The following WIPF1 variants were observed in gnomAD, a reference collection of about 807,000 sequenced individuals.
WIPF1 encodes WAS/WASL-interacting protein family member 1.
Under a neutral mutation model 35.4 loss-of-function variants are expected in WIPF1, and 13 were observed. The ratio of observed to expected loss-of-function variants is 0.37; its 90% CI spans 0.24 to 0.58. The LOEUF is 0.58. Ranked by LOEUF, WIPF1 falls within the 20% of genes least tolerant of loss-of-function variation. WIPF1 has a pLI of 0.74. For synonymous variants in WIPF1, 267 were observed against 266.3 expected, an observed-to-expected ratio of 1.00 and a Z score of -0.02; for missense variants, 591 against 667.0, an observed-to-expected ratio of 0.89 and a Z score of 1.25.
intron 1 of WIPF1, among the ~76,000 whole-genome samples, chr2:174,610,266 C>CAGTT (rs1273764585): frequency 1.3e-5 from 2 of 152,134 alleles, no homozygotes; most frequent in Admixed American, 1.3e-4. Flanking sequence ...AGAAAGTGAC[C>CAGTT]AGTTCCCCAC....
rs1220467051 is a variant in WIPF1 at position 174,571,640 on chromosome 2, G to A, written c.1129+36C>T. ...ATTATTGGTACATTTGGGCAGGCTG[G>A]GTTTTGGAAGCAACTCACTCCACGT... On this transcript the variant is annotated intron_variant, in intron 5 of 7. Coordinates refer to ENST00000679041, the MANE Select transcript of WIPF1 (RefSeq NM_001375834.1). This position sits in a 1 kb window ranked among gnomAD's most constrained non-coding sequence, Gnocchi z 4.6. The A allele has an allele frequency of 1.9e-6, 3 of 1,613,856 alleles. No homozygotes were observed. In the African/African-American group the frequency reaches 4.0e-5, roughly 22 times the overall value.
In WIPF1 at chr2:174,561,709, G is replaced by T; in HGVS notation, c.*838C>A. 1 of 178,234 alleles carries T rather than the reference G, an allele frequency of 5.6e-6. No homozygotes were observed. Among genetic ancestry groups the T allele is most frequent in the Non-Finnish European group, 1.2e-5 (1 of 83,032 alleles). 11.0% of individuals were successfully genotyped at this position (178,234 alleles called of 1,614,324 possible). On this transcript the variant is annotated 3_prime_UTR_variant, in exon 8 of 8. Transcript: ENST00000679041. ...CTCTTGAATCGCTCAAGCCCATCTTGCCTTTTTTGTTTTTTAAACAAGAGG... is the reference window on the plus strand; with the variant it reads ...CTCTTGAATCGCTCAAGCCCATCTTTCCTTTTTTGTTTTTTAAACAAGAGG...
chr2:174,681,935 A>G (rs1688255627), intron 1 of WIPF1, among the ~76,000 whole-genome samples: 1 of 152,228 alleles, frequency 6.6e-6, no homozygotes, highest in Non-Finnish European at 1.5e-5. Flanking sequence ...AAGTCTAACC[A>G]ACCACCAGTG....
At chr2:174,641,994 A>G (rs1171747747) in intron 1 of WIPF1, among the ~76,000 whole-genome samples, 1 of 152,218 alleles carries the variant, frequency 6.6e-6, no homozygotes, top group Non-Finnish European at 1.5e-5. Context: ...AGAGACTCAG[A>G]GCCTAACTGC....
At chr2:174,595,589 T>C (rs1347501242) in intron 1 of WIPF1, among the ~76,000 whole-genome samples, 2 of 152,102 alleles carry the variant, frequency 1.3e-5, no homozygotes, top group Non-Finnish European at 2.9e-5. Flanking sequence ...AAATAAGTGG[T>C]CAGTAAATAT....
At chr2:174,599,178 T>C (rs549894329), upstream of WIPF1, among the ~76,000 whole-genome samples, 22 of 152,146 alleles carry the variant, frequency 1.4e-4, no homozygotes, top group Admixed American at 1.3e-3. Context: ...CAGGTAGCTG[T>C]TGGGGGTGGT....
intron 1 of WIPF1, among the ~76,000 whole-genome samples, chr2:174,646,783 T>C (rs1390205274): frequency 6.6e-6 from 1 of 151,960 alleles, no homozygotes; most frequent in Non-Finnish European, 1.5e-5. Context: ...CCAGCTAATT[T>C]TTTGTATTTT....
chr2:174,653,741 CAAAA>C (rs1175251483), intron 1 of WIPF1, among the ~76,000 whole-genome samples: 1 of 57,838 alleles, frequency 1.7e-5, no homozygotes, highest in Admixed American at 2.0e-4. Flanking sequence ...GCCTCTGTCT[CAAAA>C]AAAAAAAAAA....
At chr2:174,647,212 A>AT (rs778959094) in intron 1 of WIPF1, among the ~76,000 whole-genome samples, 92 of 143,094 alleles carry the variant, frequency 6.4e-4, no homozygotes, top group African/African-American at 1.1e-3. Flanking sequence ...TCTCCAAAAC[A>AT]TTTTTTTTTT....
chr2:174,657,927 A>G (rs1476765113), intron 1 of WIPF1, among the ~76,000 whole-genome samples: 4 of 151,448 alleles, frequency 2.6e-5, no homozygotes, highest in Non-Finnish European at 4.4e-5. Flanking sequence ...AAAAAAAAAA[A>G]AAAAAAAGAG....
chr2:174,603,722 C>T (rs963516026), intron 1 of WIPF1, among the ~76,000 whole-genome samples: 2 of 151,974 alleles, frequency 1.3e-5, no homozygotes, highest in African/African-American at 4.8e-5. Context: ...TGATCTGCAA[C>T]CAAGATGGGT....
intron 5 of WIPF1, among the ~76,000 whole-genome samples, chr2:174,569,295 T>C (rs1391209660): frequency 2.6e-5 from 4 of 152,326 alleles, no homozygotes; most frequent in East Asian, 3.9e-4. Flanking sequence ...CCAGCCCTGA[T>C]TGGTCTCTCA....
chr2:174,568,875 T>TA (rs1343277721), intron 5 of WIPF1: 7 of 152,132 alleles, frequency 4.6e-5, no homozygotes, highest in Admixed American at 4.6e-4. Context: ...AACCATTTTT[T>TA]AAAAAAATGT....
At chr2:174,565,701 G>A (rs1209138253) in intron 7 of WIPF1, among the ~76,000 whole-genome samples, 1 of 152,144 alleles carries the variant, frequency 6.6e-6, no homozygotes, top group Non-Finnish European at 1.5e-5. Flanking sequence ...TACATGTAAG[G>A]TGCTCTGTTA....
chr2:174,612,338 T>A (rs1238925807), intron 1 of WIPF1, among the ~76,000 whole-genome samples: 1 of 152,224 alleles, frequency 6.6e-6, no homozygotes, highest in Admixed American at 6.5e-5. Context: ...TATATATCCT[T>A]CTTTTTCACA....
intron 1 of WIPF1, among the ~76,000 whole-genome samples, chr2:174,654,977 GT>G (rs372063660): frequency 2.0e-5 from 3 of 152,204 alleles, no homozygotes; most frequent in African/African-American, 7.2e-5. Context: ...CCTGAAAAAG[GT>G]TTGTGGCAGA....
At chr2:174,652,942 T>C (rs1687565040) in intron 1 of WIPF1, among the ~76,000 whole-genome samples, 1 of 152,188 alleles carries the variant, frequency 6.6e-6, no homozygotes, top group African/African-American at 2.4e-5. Context: ...CACTCCTCTA[T>C]GAGATTGGTC....
intron 1 of WIPF1, among the ~76,000 whole-genome samples, chr2:174,661,623 C>T (rs1204928893): frequency 2.0e-5 from 3 of 152,140 alleles, no homozygotes; most frequent in Non-Finnish European, 4.4e-5. Flanking sequence ...TTTCACAGCC[C>T]TCATCACTGT....
intron 1 of WIPF1, among the ~76,000 whole-genome samples, chr2:174,647,450 G>A (rs1254932995): frequency 3.3e-5 from 5 of 151,374 alleles, no homozygotes; most frequent in East Asian, 1.9e-4. Context: ...CTCAGCTCAC[G>A]GCAACCTCTG....
Sources: gnomAD v4.1 joint callset for allele counts (sites outside exome capture counted in the v4.1 genomes callset) on GRCh38, gnomAD v4.1.1 for gene constraint, Gnocchi (gnomAD v3.1) non-coding constraint, MANE v1.5 for transcripts, NCBI Gene and HGNC (gene_info 2026-07-23, HGNC 2026-07-21) for gene names.